SYNE1: variants seen among roughly 807,000 people sequenced by gnomAD.
SYNE1 encodes the protein spectrin repeat containing nuclear envelope protein 1.
A neutral mutation model predicts 1,111.0 loss-of-function variants in SYNE1; 616 were observed. The observed-to-expected ratio is 0.55, with a 90% confidence interval of 0.52 to 0.59. The LOEUF is 0.59. Among genes scored for constraint, SYNE1 ranks in the 20% least tolerant of loss-of-function variants. The pLI is 0.00. For synonymous variants in SYNE1, 3,855 were observed against 3,825.8 expected, an observed-to-expected ratio of 1.01 and a Z score of -0.28; for missense variants, 10,006 against 10,417.0, an observed-to-expected ratio of 0.96 and a Z score of 1.72.
chr6:152,272,984 C>G (rs1474312374), intron 98 of SYNE1, among the ~76,000 whole-genome samples: 1 of 152,106 alleles, frequency 6.6e-6, no homozygotes, highest in Admixed American at 6.5e-5. Flanking sequence ...GATGGAAAAA[C>G]AATCTTCCAG....
intron 4 of SYNE1, among the ~76,000 whole-genome samples, chr6:152,537,616 T>A (rs968606880): frequency 1.3e-5 from 2 of 152,204 alleles, no homozygotes; most frequent in East Asian, 3.9e-4. Context: ...TAATTAAAAG[T>A]CAAAAGTATA....
chr6:152,232,362 C>A, intron 112 of SYNE1, 97 bp from the exon 113 acceptor site: 1 of 1,340,502 alleles, frequency 7.5e-7, no homozygotes, highest in Non-Finnish European at 1.1e-6. Flanking sequence ...AAAAATGTAC[C>A]AAGAGAGATA....
At chr6:152,219,321 G>T in intron 119 of SYNE1, 136 bp from the exon 120 acceptor site, 2 of 901,034 alleles carry the variant, frequency 2.2e-6, no homozygotes, top group Non-Finnish European at 3.5e-6. Flanking sequence ...AACTTCACCT[G>T]TGGAAAAATG....
At chr6:152,626,818 C>A (rs1322512) in intron 3 of SYNE1, among the ~76,000 whole-genome samples, 102,845 of 151,998 alleles carry the variant, frequency 0.68, 34,887 homozygotes, top group Non-Finnish European at 0.71. Flanking sequence ...CTAGTTCCAC[C>A]AATATCCTGA....
In SYNE1 at chr6:152,339,256, T is replaced by C. The variant is rs1281087515; in HGVS notation, c.12336A>G (p.Gln4112=). 6.8e-6 allele frequency: 11 copies of C among 1,613,764 alleles called. No homozygotes were observed. Among genetic ancestry groups the C allele is most frequent in the Non-Finnish European group, 9.3e-6 (11 of 1,179,798 alleles). Residue 4112 remains glutamine (Q), a synonymous_variant, in exon 75 of 146, where the codon CAA becomes CAG. Coordinates refer to ENST00000367255, the MANE Select transcript of SYNE1 (RefSeq NM_182961.4). Reference sequence around the variant, plus strand: ...ATTTTCTTACCGTTTGCTCTGTTTGTTGAATGTCTTTTGCTGTGGTTTTCA... The same window carrying C: ...ATTTTCTTACCGTTTGCTCTGTTTGCTGAATGTCTTTTGCTGTGGTTTTCA... The part of the protein sequence containing the change: ...ASVKTTAKDI[Q]QTEQTIEQKL...
Position 152,329,273 on chromosome 6 carries a change from T to A in SYNE1, c.14955+457A>T, listed in dbSNP as rs535461990. ...AGGCACGGTGGCTCCCGCCTATAATTCCAGCACTTTGGGAGGCCAAGGCAG... is the reference window on the plus strand; with the variant it reads ...AGGCACGGTGGCTCCCGCCTATAATACCAGCACTTTGGGAGGCCAAGGCAG... On this transcript the variant is annotated intron_variant, in intron 78 of 145. Transcript: ENST00000367255. Among the ~76,000 whole-genome samples the A allele has an allele frequency of 4.6e-5, 7 of 152,184 alleles. No individual in the cohort carries two copies. In the South Asian group the frequency reaches 1.2e-3, roughly 27 times the overall value.
chr6:152,403,104 A>C (rs1208819936), intron 46 of SYNE1, among the ~76,000 whole-genome samples: 1 of 152,166 alleles, frequency 6.6e-6, no homozygotes. Context: ...AGAAAGCACA[A>C]GAAGAAGAAA....
intron 3 of SYNE1, among the ~76,000 whole-genome samples, chr6:152,602,068 C>T (rs947297028): frequency 6.6e-6 from 1 of 152,072 alleles, no homozygotes; most frequent in Non-Finnish European, 1.5e-5. Context: ...GTACTCTCCT[C>T]TCTGCCTCCA....
intron 59 of SYNE1, among the ~76,000 whole-genome samples, chr6:152,371,850 A>C (rs4998724): frequency 0.64 from 42,178 of 66,134 alleles, 10,720 homozygotes; most frequent in Non-Finnish European, 0.68. Context: ...CAGGACAGGA[A>C]AGGAAAGGAA....
Position 152,300,535 on chromosome 6 carries a change from A to G in SYNE1, c.17682+106T>C. On this transcript the variant is annotated intron_variant, in intron 93 of 145. Coordinates refer to ENST00000367255, the MANE Select transcript of SYNE1 (RefSeq NM_182961.4). ...ACCTAATAGTGTGTCCCTGGAACCA[A>G]ATGCAACAAAGTCTGAGATTCATAC... The G allele has an allele frequency of 3.3e-6, 5 of 1,534,014 alleles. 1 individual carries two copies. The highest frequency in any genetic ancestry group is 2.2e-4 in the Middle Eastern group (1 of 4,568).
chr6:152,481,061 G>A (rs1215153950), intron 14 of SYNE1: 2 of 283,648 alleles, frequency 7.1e-6, no homozygotes, highest in Non-Finnish European at 1.4e-5. Context: ...GGCCAACTTA[G>A]GACTCACTCC....
intron 67 of SYNE1, 58 bp downstream of exon 67, chr6:152,354,601 C>A: frequency 6.2e-7 from 1 of 1,600,198 alleles, no homozygotes; most frequent in Non-Finnish European, 8.6e-7. Flanking sequence ...CTTAATGAAA[C>A]AAACTATGCA....
intron 105 of SYNE1, among the ~76,000 whole-genome samples, chr6:152,247,750 T>TACACACACAC (rs61420132): frequency 4.5e-4 from 51 of 112,366 alleles, no homozygotes; most frequent in African/African-American, 1.3e-3. Flanking sequence ...TATATATATA[T>TACACACACAC]ACACACACAC....
At chr6:152,263,871 G>T (rs1232820139) in intron 100 of SYNE1, among the ~76,000 whole-genome samples, 2 of 151,660 alleles carry the variant, frequency 1.3e-5, no homozygotes, top group Non-Finnish European at 2.9e-5. Context: ...CATGCATAAG[G>T]CCTATAACCC....
At chr6:152,258,552 G>A (rs1025086334) in intron 101 of SYNE1, among the ~76,000 whole-genome samples, 7 of 152,008 alleles carry the variant, frequency 4.6e-5, no homozygotes, top group African/African-American at 1.4e-4. Context: ...GGTTTTAGTA[G>A]TACCTATAGT....
chr6:152,369,838 C>G (rs2097147707), intron 59 of SYNE1, among the ~76,000 whole-genome samples: 1 of 151,848 alleles, frequency 6.6e-6, no homozygotes, highest in African/African-American at 2.4e-5. Context: ...AAAAAATTAG[C>G]CAGCCATGGT....
Position 152,293,722 on chromosome 6 carries a change from CAT to C in SYNE1, c.17876_17877del (p.Tyr5959Ter), listed in dbSNP as rs1404529357. The C allele has an allele frequency of 6.3e-7, 1 of 1,591,880 alleles. No homozygotes were observed. The highest frequency in any genetic ancestry group is 2.3e-5 in the East Asian group (1 of 44,008). On this transcript the variant is annotated frameshift_variant, in exon 95 of 146. Transcript: ENST00000367255. LOFTEE classifies it high-confidence loss of function. ...NVISEKQRTL[Y>X]EALERQQKYQ... ...TACTTCTGCTGGCGTTCCAAAGCTT[CAT>C]AGAGTGTGCGCTGCTTCTCACTGAT...
Position 152,330,226 on chromosome 6 carries a change from G to T in SYNE1, c.14459C>A (p.Ser4820Tyr). 6.2e-7 allele frequency: 1 copy of T among 1,614,164 alleles called. No individual in the cohort carries two copies. The highest frequency in any genetic ancestry group is 1.3e-5 in the African/African-American group (1 of 75,040). ...PAEEKLKMYH[S>Y]LAGSLQDSGI... ...TGAGTCCTGGAGACTTCCTGCCAGG[G>T]AGTGATACATTTTGAGCTTCTCCTC... The change falls in exon 78 of 146, where the codon TCC becomes TAC. Residue 4820 changes from serine (S) to tyrosine (Y), a missense_variant. Around this residue, in one of 7 missense-constraint regions of SYNE1, gnomAD observed 4,955 missense variants for 5,017.2 expected, o/e 0.99. Coordinates refer to ENST00000367255, the MANE Select transcript of SYNE1 (RefSeq NM_182961.4).
chr6:152,223,322 T>A (rs553273609), intron 117 of SYNE1, among the ~76,000 whole-genome samples: 19 of 152,146 alleles, frequency 1.2e-4, no homozygotes, highest in African/African-American at 4.1e-4. Flanking sequence ...CTAAAAAAAA[T>A]ATTTCCTTAA....
Sources: allele counts gnomAD v4.1 joint callset (sites outside exome capture counted in the v4.1 genomes callset), GRCh38; gene constraint gnomAD v4.1.1; regional missense constraint gnomAD v4.1.1; transcripts MANE v1.5; gene names NCBI Gene and HGNC (gene_info 2026-07-23, HGNC 2026-07-21).